The following PCDHA6 variants were observed in gnomAD, a reference collection of about 807,000 sequenced individuals.
PCDHA6 encodes protocadherin alpha 6.
In PCDHA6, 55 loss-of-function variants were observed where a neutral mutation model predicts 60.3. The observed-to-expected ratio is 0.91, with a 90% CI of 0.73 to 1.14. The LOEUF is 1.14. Ranked by LOEUF, PCDHA6 falls within the 50% of genes most tolerant of loss-of-function variation. PCDHA6 has a pLI of 0.00. For missense variants in PCDHA6, 1,327 were observed against 1,256.5 expected, an observed-to-expected ratio of 1.06 and a Z score of -0.85; for synonymous variants, 652 against 557.9, an observed-to-expected ratio of 1.17 and a Z score of -2.38.
At chr5:140,867,409 T>C (rs1299874634) in intron 1 of PCDHA6, 1 of 152,170 alleles carries the variant, frequency 6.6e-6, no homozygotes, top group Admixed American at 6.5e-5. Context: ...ATGTCTCCTT[T>C]AATTTTTTAA....
At chr5:140,956,885 T>C (rs1156888418) in intron 1 of PCDHA6, among the ~76,000 whole-genome samples, 1 of 152,194 alleles carries the variant, frequency 6.6e-6, no homozygotes, top group Non-Finnish European at 1.5e-5. Context: ...TAGATATCAA[T>C]GAATGAATAT....
chr5:140,899,402 G>T (rs1465071147), intron 1 of PCDHA6, among the ~76,000 whole-genome samples: 2 of 152,004 alleles, frequency 1.3e-5, no homozygotes, highest in South Asian at 2.1e-4. Context: ...TAGCATGAAG[G>T]GTTGTTGAAT....
chr5:140,842,313 C>G, intron 1 of PCDHA6: 2 of 1,607,028 alleles, frequency 1.2e-6, no homozygotes, highest in Non-Finnish European at 1.7e-6. Context: ...CCTCCCATGG[C>G]GGGTCATTGC....
intron 3 of PCDHA6, among the ~76,000 whole-genome samples, chr5:140,986,653 A>T (rs61089397): frequency 0.012 from 1,845 of 152,236 alleles, 43 homozygotes; most frequent in African/African-American, 0.043. Context: ...AGAGTGGGAG[A>T]TGCTCACAGT....
At chr5:140,875,844 G>A in intron 1 of PCDHA6, 1 of 1,614,178 alleles carries the variant, frequency 6.2e-7, no homozygotes, top group Non-Finnish European at 8.5e-7. Flanking sequence ...TGGAGGTGAA[G>A]GACATTAACG....
rs577872820 is a variant in PCDHA6, at chr5:140,862,061, T to G, written c.2394+31576T>G. Reference sequence around the variant, plus strand: ...AACCGTCACATTGTTTCTTTGCAACTGATGTCTCCCCTAACATAGAAGCCC... The same window carrying G: ...AACCGTCACATTGTTTCTTTGCAACGGATGTCTCCCCTAACATAGAAGCCC... On this transcript the variant is annotated intron_variant, in intron 1 of 3. Coordinates refer to ENST00000529310, the MANE Select transcript of PCDHA6 (RefSeq NM_018909.4). 26 of 155,902 alleles carry G rather than the reference T, an allele frequency of 1.7e-4. No homozygotes were observed. In the South Asian group the frequency reaches 2.8e-3, roughly 17 times the overall value. 9.7% of individuals were successfully genotyped at this position (155,902 alleles called of 1,614,324 possible).
intron 1 of PCDHA6, among the ~76,000 whole-genome samples, chr5:140,932,231 A>G (rs2088135026): frequency 6.6e-6 from 1 of 151,848 alleles, no homozygotes; most frequent in African/African-American, 2.4e-5. Context: ...AATTTTTTAG[A>G]ATGGTATCTA....
intron 1 of PCDHA6, among the ~76,000 whole-genome samples, chr5:140,943,845 C>T (rs59104695): frequency 0.056 from 8,479 of 152,194 alleles, 700 homozygotes; most frequent in African/African-American, 0.18. Flanking sequence ...TGTAAGATGT[C>T]ACAGAAGTCA....
At chr5:140,834,317 G>A in intron 1 of PCDHA6, 4 of 1,393,006 alleles carry the variant, frequency 2.9e-6, no homozygotes, top group South Asian at 1.4e-5. Context: ...GAAATGAAGG[G>A]ATAAAAACAT....
In PCDHA6 at chr5:140,842,887, G is replaced by T; in HGVS notation, c.2394+12402G>T. On this transcript the variant is annotated intron_variant, in intron 1 of 3. Coordinates refer to ENST00000529310, the MANE Select transcript of PCDHA6 (RefSeq NM_018909.4). ...GCGGCAAGGTGTACGCGCTGCAGCC[G>T]CTGGACCACGAGGAGCTAGAGCTGC... The T allele has an allele frequency of 7.5e-6, 12 of 1,594,194 alleles. 3 individuals are homozygous for T. The highest frequency in any genetic ancestry group is 1.1e-5 in the South Asian group (1 of 90,454).
At chr5:140,958,290 T>C (rs1554223401) in intron 1 of PCDHA6, among the ~76,000 whole-genome samples, 1 of 152,154 alleles carries the variant, frequency 6.6e-6, no homozygotes, top group Non-Finnish European at 1.5e-5. Context: ...TTAAATATTA[T>C]TGAACTTAAT....
rs868958947 is a variant in PCDHA6 at position 140,854,334 on chromosome 5, C to T, written c.2394+23849C>T. On this transcript the variant is annotated intron_variant, in intron 1 of 3. Transcript: ENST00000529310. ...ATTGATCAATGGCAAACTTATTTTA[C>T]GCTCCAGATAGCTAAAACAAACGTT... The T allele has an allele frequency of 4.5e-5, 9 of 198,856 alleles. 1 individual carries two copies. The highest frequency in any genetic ancestry group is 1.9e-4 in the East Asian group (1 of 5,382). The allele number at this position is 198,856 out of a possible 1,614,324, so 12.3% of individuals were successfully genotyped here. A position where few individuals can be genotyped will look rare whatever the true frequency, so the allele number is the denominator to read the frequency against.
At chr5:140,989,839 AGT>A (rs1161936815) in intron 3 of PCDHA6, among the ~76,000 whole-genome samples, 2 of 152,166 alleles carry the variant, frequency 1.3e-5, no homozygotes, top group Non-Finnish European at 2.9e-5. Context: ...CCTGTCAATG[AGT>A]GTGTGGACTG....
intron 3 of PCDHA6, among the ~76,000 whole-genome samples, chr5:140,994,064 A>G (rs902624513): frequency 6.6e-6 from 1 of 152,142 alleles, no homozygotes; most frequent in African/African-American, 2.4e-5. Context: ...TATAAATCTA[A>G]TGGTGAAGGG....
Position 140,868,506 on chromosome 5 carries a change from A to T in PCDHA6, c.2394+38021A>T, listed in dbSNP as rs1250178704. 3 of 152,422 alleles carry T rather than the reference A, an allele frequency of 2.0e-5. No individual in the cohort carries two copies. The East Asian group carries it at 5.8e-4, about 29-fold the overall frequency. 9.4% of individuals were successfully genotyped at this position (152,422 alleles called of 1,614,324 possible). On this transcript the variant is annotated intron_variant, in intron 1 of 3. Transcript: ENST00000529310. ...TTTTCTTTGAGTTCCCTAGCAGCCA[A>T]AGTAACAAGGGAGACTGAAAGTAAA... is the stretch of plus-strand genomic sequence containing the variant.
chr5:140,928,551 G>T, intron 1 of PCDHA6: 2 of 1,614,164 alleles, frequency 1.2e-6, no homozygotes, highest in Non-Finnish European at 1.7e-6. Context: ...ACAATTATCC[G>T]GTTATCTTGT....
At position 140,885,285 on chromosome 5, in the gene PCDHA6, T is replaced by G. The variant is rs146462007; in HGVS notation, c.2394+54800T>G. On this transcript the variant is annotated intron_variant, in intron 1 of 3. Transcript: ENST00000529310. ...ACTCATACATATATATATACATATA[T>G]AGAGAGAGACCTGGTAGGCTTTTTG... 7.5e-4 allele frequency among the ~76,000 whole-genome samples: 114 copies of G among 152,298 alleles called. No individual in the cohort carries two copies. In the East Asian group the frequency reaches 9.8e-3, roughly 13 times the overall value.
At chr5:140,907,752 T>C (rs1255877387) in intron 1 of PCDHA6, among the ~76,000 whole-genome samples, 5 of 152,190 alleles carry the variant, frequency 3.3e-5, no homozygotes, top group African/African-American at 1.2e-4. Flanking sequence ...ACTTTGTTCA[T>C]GGGCCCATTG....
chr5:140,836,911 T>C (rs1774807793), intron 1 of PCDHA6: 1 of 572,226 alleles, frequency 1.7e-6, no homozygotes, highest in Non-Finnish European at 2.9e-6. Context: ...AATATACACT[T>C]TTGTTTTGGG....
Sources: allele counts gnomAD v4.1 joint callset (sites outside exome capture counted in the v4.1 genomes callset), GRCh38; gene constraint gnomAD v4.1.1; transcripts MANE v1.5; gene names NCBI Gene and HGNC (gene_info 2026-07-23, HGNC 2026-07-21).